MARCHF1: variants seen among roughly 807,000 people sequenced by gnomAD.
The protein encoded by MARCHF1 is E3 ubiquitin-protein ligase MARCHF1.
A neutral mutation model predicts 54.2 loss-of-function variants in MARCHF1; 40 were observed. The observed-to-expected ratio is 0.74, with a 90% CI of 0.57 to 0.96. The LOEUF is 0.96. MARCHF1 is among the 40% of genes least tolerant of loss of function. The pLI, the probability that MARCHF1 is intolerant of heterozygous loss-of-function variation, is 0.00. For synonymous variants in MARCHF1, 236 were observed against 236.3 expected (o/e 1.00, Z 0.01); for missense variants, 586 against 656.5 (o/e 0.89, Z 1.17).
intron 7 of MARCHF1, among the ~76,000 whole-genome samples, chr4:163,598,916 G>A (rs1579098919): frequency 6.6e-6 from 1 of 152,210 alleles, no homozygotes; most frequent in East Asian, 1.9e-4. Flanking sequence ...TGTCGTAACA[G>A]CTTAAAACAG....
At chr4:163,873,846 C>T (rs747124812) in intron 3 of MARCHF1, among the ~76,000 whole-genome samples, 3 of 152,246 alleles carry the variant, frequency 2.0e-5, no homozygotes, top group African/African-American at 2.4e-5. Context: ...GGTAATGCAC[C>T]GCTTTTATGC....
chr4:164,229,065 A>T (rs1296417797), intron 1 of MARCHF1, among the ~76,000 whole-genome samples: 2 of 152,204 alleles, frequency 1.3e-5, no homozygotes, highest in African/African-American at 4.8e-5. Context: ...TGTGCTCAAA[A>T]AGAAGGATCT....
intron 3 of MARCHF1, among the ~76,000 whole-genome samples, chr4:163,943,278 A>G (rs1366532233): frequency 6.6e-6 from 1 of 152,200 alleles, no homozygotes; most frequent in Non-Finnish European, 1.5e-5. Context: ...TATGTCCAGA[A>G]TAGTACAGCC....
intron 7 of MARCHF1, among the ~76,000 whole-genome samples, chr4:163,592,586 C>T (rs924143171): frequency 6.6e-6 from 1 of 151,844 alleles, no homozygotes; most frequent in Non-Finnish European, 1.5e-5. Context: ...GATCACCTTG[C>T]TTGGTCAATA....
intron 2 of MARCHF1, among the ~76,000 whole-genome samples, chr4:164,109,330 C>CTTAT (rs1185329876): frequency 1.3e-5 from 2 of 151,926 alleles, no homozygotes; most frequent in Admixed American, 1.3e-4. Context: ...TTTCAAAGTG[C>CTTAT]TATCTTCAGT....
chr4:164,002,202 T>G (rs1199079480), intron 2 of MARCHF1, among the ~76,000 whole-genome samples: 1 of 151,490 alleles, frequency 6.6e-6, no homozygotes, highest in Non-Finnish European at 1.5e-5. Flanking sequence ...AAGACATGAC[T>G]AGATATACAA....
chr4:164,264,501 T>C (rs1261532606), intron 1 of MARCHF1, among the ~76,000 whole-genome samples: 2 of 151,068 alleles, frequency 1.3e-5, no homozygotes, highest in Non-Finnish European at 1.5e-5. Flanking sequence ...AAAAAGAAAA[T>C]TAAAATCTCC....
At chr4:164,133,759 AGCAGTGGGCACT>A (rs1326773514) in intron 1 of MARCHF1, among the ~76,000 whole-genome samples, 47 of 152,214 alleles carry the variant, frequency 3.1e-4, no homozygotes, top group South Asian at 4.1e-4. Flanking sequence ...GGCTGATCTC[AGCAGTGGGCACT>A]GCCCATCTAC....
At chr4:163,894,449 TAA>T (rs775025569) in intron 3 of MARCHF1, among the ~76,000 whole-genome samples, 2 of 151,534 alleles carry the variant, frequency 1.3e-5, no homozygotes, top group Admixed American at 6.6e-5. Flanking sequence ...GAAAGATTAA[TAA>T]AGAGATAAAC....
chr4:164,215,162 G>A (rs955302984), intron 1 of MARCHF1, among the ~76,000 whole-genome samples: 10 of 152,148 alleles, frequency 6.6e-5, no homozygotes, highest in Admixed American at 1.3e-4. Context: ...GATGACATGT[G>A]GGCTTGGAGA....
At chr4:163,909,009 C>T (rs936977546) in intron 3 of MARCHF1, among the ~76,000 whole-genome samples, 6 of 152,066 alleles carry the variant, frequency 3.9e-5, no homozygotes, top group African/African-American at 1.2e-4. Context: ...AAAAATATAA[C>T]ATTAGGAAAA....
At chr4:163,575,073 C>T (rs112256995) in intron 8 of MARCHF1, among the ~76,000 whole-genome samples, 136 of 151,994 alleles carry the variant, frequency 8.9e-4, no homozygotes, top group African/African-American at 3.0e-3. Context: ...TGAATAGGAG[C>T]GGTGAGAGTA....
intron 1 of MARCHF1, among the ~76,000 whole-genome samples, chr4:164,145,858 A>G (rs1445286526): frequency 8.5e-6 from 1 of 117,796 alleles, no homozygotes; most frequent in African/African-American, 3.4e-5. Context: ...AGGGTATTCA[A>G]TTAGGAAAAG....
chr4:163,676,158 G>A (rs1338282464), intron 5 of MARCHF1, among the ~76,000 whole-genome samples: 1 of 143,176 alleles, frequency 7.0e-6, no homozygotes, highest in Non-Finnish European at 1.5e-5. Context: ...TGACCAAAAT[G>A]GTGTAACCCC....
chr4:164,282,035 T>G (rs1734038652), intron 1 of MARCHF1, among the ~76,000 whole-genome samples: 1 of 151,072 alleles, frequency 6.6e-6, no homozygotes, highest in Admixed American at 6.7e-5. Flanking sequence ...CCTATAGACC[T>G]CTAGTACCCA....
chr4:164,009,248 GA>G lies in MARCHF1; in HGVS notation c.-247-20540del, dbSNP rs200138169. Reference sequence around the variant, plus strand: ...CATACAACTACGAAGATTGAACCCTGAAAAAAGAGAAAACCTCAAAAAATCA... The same window carrying G: ...CATACAACTACGAAGATTGAACCCTGAAAAAGAGAAAACCTCAAAAAATCA... On this transcript the variant is annotated intron_variant, in intron 2 of 9. Transcript: ENST00000514618. Among the ~76,000 whole-genome samples the G allele has an allele frequency of 5.3e-5, 8 of 151,876 alleles. No homozygotes were observed. In the East Asian group the frequency reaches 1.5e-3, roughly 29 times the overall value.
At chr4:164,048,408 TACATCAGAA>T (rs1448642653) in intron 2 of MARCHF1, among the ~76,000 whole-genome samples, 1 of 152,158 alleles carries the variant, frequency 6.6e-6, no homozygotes, top group Non-Finnish European at 1.5e-5. Flanking sequence ...AAACAGAACT[TACATCAGAA>T]TCATCTGAAT....
At chr4:164,156,869 G>C (rs1730092456) in intron 1 of MARCHF1, among the ~76,000 whole-genome samples, 1 of 151,956 alleles carries the variant, frequency 6.6e-6, no homozygotes, top group Non-Finnish European at 1.5e-5. Context: ...ACCAGCTGGA[G>C]ACATGCTTCT....
intron 4 of MARCHF1, among the ~76,000 whole-genome samples, chr4:163,781,632 TAAAAC>T (rs1452008867): frequency 6.6e-6 from 1 of 152,318 alleles, no homozygotes; most frequent in East Asian, 1.9e-4. Context: ...TTGTGTTTGC[TAAAAC>T]AGTAGAGAAG....
Sources: gnomAD v4.1 joint callset for allele counts (sites outside exome capture counted in the v4.1 genomes callset) on GRCh38, gnomAD v4.1.1 for gene constraint, MANE v1.5 for transcripts, NCBI Gene and HGNC (gene_info 2026-07-23, HGNC 2026-07-21) for gene names.